Variants in TLL1 observed in about 807,000 individuals in gnomAD.
The protein encoded by TLL1 is tolloid like 1, also known as tolloid-like protein 1.
TLL1 carries 49 observed loss-of-function variants against 128.2 expected under a neutral mutation model. The observed-to-expected ratio is 0.38, with a 90% CI of 0.30 to 0.48. The LOEUF (loss-of-function observed/expected upper bound fraction) is 0.48, where lower values mean the gene tolerates loss of function less well. TLL1 is among the 20% of genes least tolerant of loss of function. The probability of loss-of-function intolerance (pLI) is 0.96; values close to 1 mark genes in which losing one functional copy is unlikely to be tolerated. For missense variants in TLL1, 1,123 were observed against 1,242.0 expected, an observed-to-expected ratio of 0.90 and a Z score of 1.44; for synonymous variants, 454 against 418.8, an observed-to-expected ratio of 1.08 and a Z score of -1.03.
chr4:165,953,700 G>A (rs950096856), intron 1 of TLL1, among the ~76,000 whole-genome samples: 5 of 151,430 alleles, frequency 3.3e-5, no homozygotes, highest in Admixed American at 6.6e-5. Flanking sequence ...AGTCAAGGAC[G>A]AAATGCCATT....
intron 16 of TLL1, among the ~76,000 whole-genome samples, chr4:166,067,251 A>AT (rs1247522336): frequency 1.3e-5 from 2 of 151,766 alleles, no homozygotes; most frequent in African/African-American, 2.4e-5. Flanking sequence ...TTAATTTTAA[A>AT]TTTTTTTAAG....
chr4:166,088,754 T>C (rs1478842423), intron 18 of TLL1, among the ~76,000 whole-genome samples: 1 of 152,108 alleles, frequency 6.6e-6, no homozygotes, highest in Non-Finnish European at 1.5e-5. Flanking sequence ...TAAAGAGCTG[T>C]AGCCAGTTGG....
At chr4:166,011,207 T>A (rs1737679972) in intron 7 of TLL1, among the ~76,000 whole-genome samples, 1 of 151,466 alleles carries the variant, frequency 6.6e-6, no homozygotes, top group Non-Finnish European at 1.5e-5. Context: ...AATGTTGGGA[T>A]TCTGATAGAA....
At chr4:166,029,117 C>CT (rs200582174) in intron 9 of TLL1, among the ~76,000 whole-genome samples, 175 of 151,834 alleles carry the variant, frequency 1.2e-3, no homozygotes, top group East Asian at 4.8e-3. Context: ...TAATACATCC[C>CT]TTTTTTTGTT....
At chr4:165,971,557 G>T (rs572669570) in intron 1 of TLL1, among the ~76,000 whole-genome samples, 2 of 152,214 alleles carry the variant, frequency 1.3e-5, no homozygotes, top group East Asian at 3.9e-4. Flanking sequence ...TGGCATTCTT[G>T]CCATGGCTTC....
intron 1 of TLL1, among the ~76,000 whole-genome samples, chr4:165,903,412 G>GTTT (rs563542442): frequency 4.8e-5 from 6 of 125,318 alleles, no homozygotes; most frequent in African/African-American, 9.0e-5. Context: ...TCTTTTTCTT[G>GTTT]TTTTTTTTTT....
intron 8 of TLL1, 114 bp from the exon 9 acceptor site, chr4:166,025,202 A>G: frequency 1.4e-6 from 1 of 734,902 alleles, no homozygotes; most frequent in Non-Finnish European, 2.4e-6. Flanking sequence ...TCTTCTATAA[A>G]AGACAAACAT....
chr4:166,026,342 C>T (rs1738489105), intron 9 of TLL1, among the ~76,000 whole-genome samples: 1 of 151,502 alleles, frequency 6.6e-6, no homozygotes, highest in Non-Finnish European at 1.5e-5. Flanking sequence ...GAGCTGAAAT[C>T]CCATACCACC....
intron 18 of TLL1, among the ~76,000 whole-genome samples, chr4:166,082,459 G>A (rs115122516): frequency 0.012 from 1,897 of 152,080 alleles, 49 homozygotes; most frequent in African/African-American, 0.043. Context: ...CTGTTATCTA[G>A]TGTTATCTAC....
intron 18 of TLL1, among the ~76,000 whole-genome samples, chr4:166,084,005 C>G (rs1027254402): frequency 6.6e-5 from 10 of 152,098 alleles, no homozygotes; most frequent in African/African-American, 2.4e-4. Context: ...TTCCCAACAA[C>G]AGTATGCAAG....
At chr4:166,068,155 G>T (rs1223642925) in intron 16 of TLL1, among the ~76,000 whole-genome samples, 1 of 151,702 alleles carries the variant, frequency 6.6e-6, no homozygotes, top group Non-Finnish European at 1.5e-5. Flanking sequence ...TGAGTGATTA[G>T]ATCTATTTCA....
At chr4:165,906,485 G>A (rs1328656443) in intron 1 of TLL1, among the ~76,000 whole-genome samples, 1 of 152,160 alleles carries the variant, frequency 6.6e-6, no homozygotes, top group Admixed American at 6.5e-5. Flanking sequence ...CTCCAAGCCT[G>A]GGCTTTTAAT....
chr4:166,051,893 T>G (rs1181409342), intron 12 of TLL1, among the ~76,000 whole-genome samples: 2 of 152,230 alleles, frequency 1.3e-5, no homozygotes, highest in African/African-American at 4.8e-5. Context: ...ATGTAATGCA[T>G]AAATATGTAC....
chr4:165,940,662 G>T (rs759829707), intron 1 of TLL1, among the ~76,000 whole-genome samples: 1 of 151,938 alleles, frequency 6.6e-6, no homozygotes, highest in Non-Finnish European at 1.5e-5. Context: ...AAGTAGAAAT[G>T]GTTCCAAGCA....
chr4:166,000,630 C>T (rs72974316), intron 5 of TLL1, among the ~76,000 whole-genome samples: 7,166 of 152,114 alleles, frequency 0.047, 568 homozygotes, highest in African/African-American at 0.16. Flanking sequence ...AATTTAGTTG[C>T]TGTATAATCA....
At chr4:165,963,331 GT>G (rs1411696835) in intron 1 of TLL1, among the ~76,000 whole-genome samples, 1 of 151,934 alleles carries the variant, frequency 6.6e-6, no homozygotes, top group Non-Finnish European at 1.5e-5. Flanking sequence ...TAAAATAAAA[GT>G]TGAACAAAAA....
At chr4:165,973,794 C>T (rs897424229) in intron 1 of TLL1, among the ~76,000 whole-genome samples, 1 of 151,708 alleles carries the variant, frequency 6.6e-6, no homozygotes, top group African/African-American at 2.4e-5. Context: ...GCCTTCCAAG[C>T]AACTGGAAAT....
At chr4:166,086,895 C>T (rs370510234) in intron 18 of TLL1, among the ~76,000 whole-genome samples, 5 of 152,048 alleles carry the variant, frequency 3.3e-5, no homozygotes, top group South Asian at 4.1e-4. Flanking sequence ...TTTTATTATG[C>T]GTGTGTGTGT....
intron 17 of TLL1, among the ~76,000 whole-genome samples, chr4:166,075,837 G>A (rs1263450975): frequency 6.6e-6 from 1 of 152,144 alleles, no homozygotes; most frequent in East Asian, 1.9e-4. Context: ...TGGAATAATA[G>A]AGAATATCCT....
Sources: allele counts gnomAD v4.1 joint callset (sites outside exome capture counted in the v4.1 genomes callset), GRCh38; gene constraint gnomAD v4.1.1; transcripts MANE v1.5; gene names NCBI Gene and HGNC (gene_info 2026-07-23, HGNC 2026-07-21).